Variants in PPP1R11 observed in about 807,000 individuals in gnomAD.
PPP1R11 encodes the protein protein phosphatase 1 regulatory inhibitor subunit 11, also known as E3 ubiquitin-protein ligase PPP1R11.
In PPP1R11, 10 loss-of-function variants were observed where a neutral mutation model predicts 11.3. The observed-to-expected ratio is 0.88, with a 90% CI of 0.55 to 1.50. PPP1R11 has a LOEUF of 1.50. Ranked by LOEUF, PPP1R11 falls within the 40% of genes most tolerant of loss-of-function variation. PPP1R11 has a pLI of 0.00. For synonymous variants in PPP1R11, 56 were observed against 62.3 expected, an observed-to-expected ratio of 0.90 and a Z score of 0.48; for missense variants, 114 against 179.1, an observed-to-expected ratio of 0.64 and a Z score of 2.07.
At position 30,068,774 on chromosome 6, in the gene PPP1R11, TG is replaced by T. The variant is rs1765719853; in HGVS notation, c.178+78del. On this transcript the variant is annotated intron_variant, in intron 2 of 2. Coordinates refer to ENST00000376772, the MANE Select transcript of PPP1R11 (RefSeq NM_021959.3). ...ATATCTTGTATCTACTCATATCCAC[TG>T]GCTTTCCAGAAGCCCCCAGATGTTC... The T allele has an allele frequency of 3.0e-6, 4 of 1,317,510 alleles. No individual in the cohort carries two copies. The East Asian group carries it at 9.4e-5, about 31-fold the overall frequency. The allele number at this position is 1,317,510 out of a possible 1,614,324, so 81.6% of individuals were successfully genotyped here.
Position 30,069,176 on chromosome 6 carries a change from G to T in PPP1R11, c.251G>T (p.Gly84Val), listed in dbSNP as rs751793723. The T allele has an allele frequency of 3.1e-6, 5 of 1,612,612 alleles. No individual in the cohort carries two copies. The East Asian group carries it at 1.1e-4, about 36-fold the overall frequency. ...STESDEEEEE[G>V]CGHTHCVRGH... is the part of the protein sequence containing the mutation. ...GAAAGTGATGAGGAGGAAGAAGAGGGCTGTGGTCATACACACTGTGTACGT... is the reference window on the plus strand; with the variant it reads ...GAAAGTGATGAGGAGGAAGAAGAGGTCTGTGGTCATACACACTGTGTACGT... Residue 84 changes from glycine (G) to valine (V), a missense_variant, in exon 3 of 3, where the codon GGC becomes GTC. Transcript: ENST00000376772. This position sits in a 1 kb window ranked among gnomAD's most constrained non-coding sequence, Gnocchi z 6.6.
At chr6:30,065,482 T>C (rs1051145686), upstream of PPP1R11, among the ~76,000 whole-genome samples, 1 of 152,196 alleles carries the variant, frequency 6.6e-6, no homozygotes, top group African/African-American at 2.4e-5. The surrounding 1 kb of genome is among the most constrained non-coding windows in gnomAD (Gnocchi z 5.3). Context: ...TCTAGCTTAC[T>C]TGATTGTAAG....
rs1268154762 is a variant in PPP1R11, at chr6:30,068,624, G to A, written c.104G>A (p.Arg35Gln). ...AGCCTTACCATCAAACTTCGGAAAC[G>A]GAAGCCAGAGAAAAAGGTAGAATGG... ...NRSLTIKLRK[R>Q]KPEKKVEWTS... The change falls in exon 2 of 3, where the codon CGG (arginine) becomes CAG (glutamine). Residue 35 changes from arginine to glutamine, a missense_variant. Transcript: ENST00000376772. The A allele has an allele frequency of 3.1e-6, 5 of 1,612,784 alleles. No individual in the cohort carries two copies. The highest frequency in any genetic ancestry group is 1.3e-5 in the African/African-American group (1 of 74,896).
chr6:30,064,415 C>CT (rs201951402), upstream of PPP1R11, among the ~76,000 whole-genome samples: 50 of 148,116 alleles, frequency 3.4e-4, 1 homozygote, highest in East Asian at 3.5e-3. Context: ...TCAGCTTATC[C>CT]TTTTTTTTTT....
Position 30,068,675 on chromosome 6 carries a change from A to G in PPP1R11, c.155A>G (p.His52Arg). Reference protein sequence around the residue: ...EWTSDTVDNEHMGRRSSKCCC... With the variant: ...EWTSDTVDNERMGRRSSKCCC... The stretch of plus-strand genomic sequence containing the variant: ...ACAAGTGACACTGTGGACAATGAAC[A>G]CATGGGCCGCCGCTCATCCAAATGT... The change falls in exon 2 of 3, where the codon CAC becomes CGC. Residue 52 changes from histidine to arginine, a missense_variant. By Grantham distance (29) the His-to-Arg change is conservative. Coordinates refer to ENST00000376772, the MANE Select transcript of PPP1R11 (RefSeq NM_021959.3). 1 of 1,612,966 alleles carries G rather than the reference A, an allele frequency of 6.2e-7. No homozygotes were observed. The highest frequency in any genetic ancestry group is 8.5e-7 in the Non-Finnish European group (1 of 1,179,954).
chr6:30,067,632 G>T, intron 1 of PPP1R11, 153 bp downstream of exon 1: 2 of 934,236 alleles, frequency 2.1e-6, no homozygotes, highest in Non-Finnish European at 3.3e-6. Context: ...GAAGGTATTG[G>T]AGCTATTTGG....
At chr6:30,064,188 A>G (rs1442475881), upstream of PPP1R11, among the ~76,000 whole-genome samples, 1 of 152,140 alleles carries the variant, frequency 6.6e-6, no homozygotes, top group Non-Finnish European at 1.5e-5. Flanking sequence ...ACCAGTGTGC[A>G]GATTGCCTTT....
Position 30,067,230 on chromosome 6 carries a change from GT to G in PPP1R11, c.-179del. On this transcript the variant is annotated 5_prime_UTR_variant, in exon 1 of 3. Coordinates refer to ENST00000376772, the MANE Select transcript of PPP1R11 (RefSeq NM_021959.3). ...CCGGAAGCGGCGAGCCGGAAGTGGG[GT>G]TAGCCAGGTTATCCCCAGGGGTGGA... 1.7e-6 allele frequency: 1 copy of G among 603,768 alleles called. No homozygotes were observed. The highest frequency in any genetic ancestry group is 2.9e-6 in the Non-Finnish European group (1 of 344,096). The allele number at this position is 603,768 out of a possible 1,614,324, so 37.4% of individuals were successfully genotyped here. A position where few individuals can be genotyped will look rare whatever the true frequency, so the allele number is the denominator to read the frequency against.
At chr6:30,065,714 G>C (rs1373468735), upstream of PPP1R11, among the ~76,000 whole-genome samples, 1 of 151,902 alleles carries the variant, frequency 6.6e-6, no homozygotes, top group Non-Finnish European at 1.5e-5. This position sits in a 1 kb window ranked among gnomAD's most constrained non-coding sequence, Gnocchi z 5.3. Context: ...AAAGAAAAAA[G>C]TAAAGTCACA....
upstream of PPP1R11, among the ~76,000 whole-genome samples, chr6:30,063,048 C>G (rs1765243082): frequency 6.6e-6 from 1 of 152,018 alleles, no homozygotes; most frequent in Non-Finnish European, 1.5e-5. The surrounding 1 kb of genome is among the most constrained non-coding windows in gnomAD (Gnocchi z 4.1). Flanking sequence ...CTTTTAAGAC[C>G]TCATTTTTGT....
chr6:30,062,845 T>A (rs1765221279), upstream of PPP1R11, among the ~76,000 whole-genome samples: 1 of 148,298 alleles, frequency 6.7e-6, no homozygotes, highest in Non-Finnish European at 1.5e-5. Context: ...GTGCTGGGAT[T>A]ACAGGCATGA....
chr6:30,061,682 T>C, the PPP1R11 span: 1 of 1,612,802 alleles, frequency 6.2e-7, no homozygotes, highest in Non-Finnish European at 8.5e-7. This position sits in a 1 kb window ranked among gnomAD's most constrained non-coding sequence, Gnocchi z 5.0. Context: ...GAGAGGCTTG[T>C]ACGCAGGGGT....
chr6:30,069,220 C>T lies in PPP1R11; in HGVS notation c.295C>T (p.Arg99Cys), dbSNP rs770590816. The change falls in exon 3 of 3, where the codon CGT (arginine) becomes TGT (cysteine). Residue 99 changes from arginine (R) to cysteine (C), a missense_variant. Arg to Cys is a radical substitution (Grantham distance 180). Transcript: ENST00000376772. This position sits in a 1 kb window ranked among gnomAD's most constrained non-coding sequence, Gnocchi z 6.6. The part of the protein sequence containing the change: ...HCVRGHRKGR[R>C]RATLGPTPTT... ...TGTACGTGGCCACCGCAAAGGACGG[C>T]GTCGTGCAACCCTAGGACCGACCCC... 7 of 1,612,840 alleles carry T rather than the reference C, an allele frequency of 4.3e-6. No individual in the cohort carries two copies. The highest frequency in any genetic ancestry group is 1.7e-5 in the Admixed American group (1 of 59,994).
At chr6:30,067,951 C>CA (rs757232247) in intron 1 of PPP1R11, among the ~76,000 whole-genome samples, 1 of 152,086 alleles carries the variant, frequency 6.6e-6, no homozygotes, top group Non-Finnish European at 1.5e-5. Context: ...TTTGAGAAAT[C>CA]AGAGAGCAAA....
Position 30,069,363 on chromosome 6 carries a change from C to T in PPP1R11, c.*57C>T, listed in dbSNP as rs1765765500. 2 of 1,336,586 alleles carry T rather than the reference C, an allele frequency of 1.5e-6. No homozygotes were observed. Among genetic ancestry groups the T allele is most frequent in the African/African-American group, 1.5e-5 (1 of 68,202 alleles). The allele number at this position is 1,336,586 out of a possible 1,614,324, so 82.8% of individuals were successfully genotyped here. A position where few individuals can be genotyped will look rare whatever the true frequency, so the allele number is the denominator to read the frequency against. On this transcript the variant is annotated 3_prime_UTR_variant, in exon 3 of 3. Coordinates refer to ENST00000376772, the MANE Select transcript of PPP1R11 (RefSeq NM_021959.3). This position sits in a 1 kb window ranked among gnomAD's most constrained non-coding sequence, Gnocchi z 6.6. ...TCTGGCCCTAAATGTATCCATGTGG[C>T]TACTTCTCCAGCCCCCTCCTTCCCT... is the stretch of plus-strand genomic sequence containing the variant.
At chr6:30,065,246 G>A (rs1765411741), upstream of PPP1R11, among the ~76,000 whole-genome samples, 2 of 152,126 alleles carry the variant, frequency 1.3e-5, no homozygotes, top group Non-Finnish European at 2.9e-5. The surrounding 1 kb of genome is among the most constrained non-coding windows in gnomAD (Gnocchi z 5.3). Flanking sequence ...TATTAGTATT[G>A]AGATAAATAC....
rs1219112104 is a variant in PPP1R11, at chr6:30,069,372, C to T, written c.*66C>T. On this transcript the variant is annotated 3_prime_UTR_variant, in exon 3 of 3. Transcript: ENST00000376772. This position sits in a 1 kb window ranked among gnomAD's most constrained non-coding sequence, Gnocchi z 6.6. ...AAATGTATCCATGTGGCTACTTCTC[C>T]AGCCCCCTCCTTCCCTCTCTTCTGC... The T allele has an allele frequency of 9.8e-6, 12 of 1,220,204 alleles. No individual in the cohort carries two copies. The highest frequency in any genetic ancestry group is 2.3e-5 in the Admixed American group (1 of 43,744). The allele number at this position is 1,220,204 out of a possible 1,614,324, so 75.6% of individuals were successfully genotyped here.
chr6:30,068,751 A>T, intron 2 of PPP1R11, 53 bp downstream of exon 2: 1 of 1,471,548 alleles, frequency 6.8e-7, no homozygotes, highest in South Asian at 1.2e-5. Context: ...CCTTCAGCAT[A>T]TCTTGTATCT....
Position 30,069,458 on chromosome 6 carries a change from A to C in PPP1R11, c.*152A>C. The C allele has an allele frequency of 1.5e-6, 1 of 650,918 alleles. No homozygotes were observed. Among genetic ancestry groups the C allele is most frequent in the Non-Finnish European group, 2.4e-6 (1 of 410,438 alleles). The allele number at this position is 650,918 out of a possible 1,614,324, so 40.3% of individuals were successfully genotyped here. On this transcript the variant is annotated 3_prime_UTR_variant, in exon 3 of 3. Coordinates refer to ENST00000376772, the MANE Select transcript of PPP1R11 (RefSeq NM_021959.3). The surrounding 1 kb of genome is among the most constrained non-coding windows in gnomAD (Gnocchi z 6.6). Reference sequence around the variant, plus strand: ...GATCCTGAAATTCTGACTTGCTGCTATTCCAGAACCCAGCCTCCTGGGTTT... The same window carrying C: ...GATCCTGAAATTCTGACTTGCTGCTCTTCCAGAACCCAGCCTCCTGGGTTT...
Sources: gnomAD v4.1 joint callset for allele counts (sites outside exome capture counted in the v4.1 genomes callset) on GRCh38, gnomAD v4.1.1 for gene constraint, Gnocchi (gnomAD v3.1) non-coding constraint, MANE v1.5 for transcripts, NCBI Gene and HGNC (gene_info 2026-07-23, HGNC 2026-07-21) for gene names.